The following KAT2B variants were observed in gnomAD, a reference collection of about 807,000 sequenced individuals.
KAT2B encodes lysine acetyltransferase 2B.
In KAT2B, 36 loss-of-function variants were observed where a neutral mutation model predicts 105.9. The ratio of observed to expected loss-of-function variants is 0.34; its 90% CI spans 0.26 to 0.45. The LOEUF is 0.45. Among genes scored for constraint, KAT2B ranks in the 20% least tolerant of loss-of-function variants. KAT2B has a pLI of 1.00. For synonymous variants in KAT2B, 397 were observed against 377.9 expected (o/e 1.05, Z -0.59); for missense variants, 820 against 1,021.6 (o/e 0.80, Z 2.69).
intron 5 of KAT2B, among the ~76,000 whole-genome samples, chr3:20,101,856 T>C (rs1698916562): frequency 6.6e-6 from 1 of 152,198 alleles, no homozygotes; most frequent in East Asian, 1.9e-4. Context: ...TTGAAGTTAA[T>C]TTTACCTGTT....
At chr3:20,092,347 G>A (rs1315740819) in intron 2 of KAT2B, among the ~76,000 whole-genome samples, 1 of 151,602 alleles carries the variant, frequency 6.6e-6, no homozygotes, top group African/African-American at 2.4e-5. Flanking sequence ...TCTCCCATCA[G>A]CCTCTCAAGT....
intron 3 of KAT2B, among the ~76,000 whole-genome samples, chr3:20,099,048 A>G (rs1698861318): frequency 9.4e-6 from 1 of 106,486 alleles, no homozygotes; most frequent in African/African-American, 3.0e-5. Flanking sequence ...TAAAAGTTAC[A>G]GAAGATTCAA....
intron 2 of KAT2B, among the ~76,000 whole-genome samples, chr3:20,088,479 A>C (rs1049199211): frequency 1.1e-4 from 17 of 152,058 alleles, no homozygotes; most frequent in African/African-American, 4.1e-4. Flanking sequence ...TTGTGATTTT[A>C]ATTTGCATTT....
intron 9 of KAT2B, among the ~76,000 whole-genome samples, chr3:20,123,461 G>A (rs1270496974): frequency 6.6e-6 from 1 of 152,072 alleles, no homozygotes; most frequent in African/African-American, 2.4e-5. Flanking sequence ...GAAACATATT[G>A]TTTGCAGCTG....
chr3:20,115,012 A>C (rs1311143692), intron 7 of KAT2B, 24 bp downstream of exon 7: 1 of 1,486,696 alleles, frequency 6.7e-7, no homozygotes, highest in Non-Finnish European at 9.4e-7. Context: ...TACATGAATC[A>C]GAGAACAACC....
In KAT2B at chr3:20,114,866, T is replaced by C. The variant is rs1699179143; in HGVS notation, c.1044-16T>C. On this transcript the variant is annotated splice_polypyrimidine_tract_variant and intron_variant, in intron 6 of 17. Coordinates refer to ENST00000263754, the MANE Select transcript of KAT2B (RefSeq NM_003884.5). ...TAGTTTTTTTTTAATCTTATTGCTA[T>C]TACTCTTGTGTCTAGATTTCTGTCC... 1.4e-6 allele frequency: 2 copies of C among 1,408,110 alleles called. No homozygotes were observed. Among genetic ancestry groups the C allele is most frequent in the South Asian group, 1.2e-5 (1 of 84,578 alleles). The allele number at this position is 1,408,110 out of a possible 1,614,324, so 87.2% of individuals were successfully genotyped here. A position where few individuals can be genotyped will look rare whatever the true frequency, so the allele number is the denominator to read the frequency against.
chr3:20,132,163 T>C (rs1200271018), intron 11 of KAT2B, among the ~76,000 whole-genome samples: 1 of 151,990 alleles, frequency 6.6e-6, no homozygotes, highest in Non-Finnish European at 1.5e-5. Context: ...TCACCTGAGG[T>C]TGGGAGTTTG....
intron 2 of KAT2B, among the ~76,000 whole-genome samples, chr3:20,088,100 A>G (rs1343636071): frequency 6.6e-6 from 1 of 152,206 alleles, no homozygotes; most frequent in Non-Finnish European, 1.5e-5. Flanking sequence ...TTTAAGGCTG[A>G]ATAGTATTTG....
intron 5 of KAT2B, among the ~76,000 whole-genome samples, chr3:20,106,985 A>ATATATATATATATATATG (rs1699021043): frequency 1.3e-4 from 1 of 7,702 alleles, no homozygotes; most frequent in Non-Finnish European, 2.4e-4. Context: ...ATATGTATAT[A>ATATATATATATATATATG]TATATATATA....
intron 2 of KAT2B, among the ~76,000 whole-genome samples, chr3:20,079,845 C>G (rs1233843468): frequency 2.0e-5 from 3 of 152,170 alleles, no homozygotes; most frequent in Non-Finnish European, 4.4e-5. Context: ...GCTAATGCAG[C>G]CTTTCAGATG....
intron 1 of KAT2B, among the ~76,000 whole-genome samples, chr3:20,050,756 T>G (rs1445230359): frequency 6.7e-6 from 1 of 149,082 alleles, no homozygotes; most frequent in Non-Finnish European, 1.5e-5. Flanking sequence ...CAGACTGGAG[T>G]GCAGTGGCAT....
chr3:20,144,007 CT>C (rs1386797003), intron 13 of KAT2B, among the ~76,000 whole-genome samples: 3 of 152,054 alleles, frequency 2.0e-5, no homozygotes, highest in Non-Finnish European at 4.4e-5. Flanking sequence ...ATAATACCCC[CT>C]GTATCTAAAA....
chr3:20,111,405 C>T (rs1699118598), intron 5 of KAT2B, among the ~76,000 whole-genome samples, 191 bp from the exon 6 acceptor site: 1 of 152,202 alleles, frequency 6.6e-6, no homozygotes, highest in Non-Finnish European at 1.5e-5. Flanking sequence ...CAGAATTAGA[C>T]ACAAGTGGTG....
chr3:20,140,098 A>G, intron 12 of KAT2B, 123 bp from the exon 13 acceptor site: 3 of 646,162 alleles, frequency 4.6e-6, no homozygotes. Flanking sequence ...CCTCTTCAGA[A>G]TAGTACAATG....
Position 20,122,735 on chromosome 3 carries a change from T to C in KAT2B, c.1344T>C (p.Asp448=). The change falls in exon 9 of 18, where the codon GAT becomes GAC. Residue 448 remains aspartate, a synonymous_variant. Coordinates refer to ENST00000263754, the MANE Select transcript of KAT2B (RefSeq NM_003884.5). ...EEAKKPRVMG[D]IPMELINEVM... ...CCAAGAAACCCCGAGTTATGGGGGA[T>C]ATTCCGATGGAATTAATCAACGAGG... is the stretch of plus-strand genomic sequence containing the variant. 6.2e-7 allele frequency: 1 copy of C among 1,614,090 alleles called. No homozygotes were observed. The highest frequency in any genetic ancestry group is 8.5e-7 in the Non-Finnish European group (1 of 1,179,938).
chr3:20,099,758 TAAGA>T, intron 3 of KAT2B, 100 bp from the exon 4 acceptor site: 29 of 611,558 alleles, frequency 4.7e-5, no homozygotes, highest in Middle Eastern at 4.6e-4. Context: ...TGTGTGTGTG[TAAGA>T]GAGAGAGAGA....
chr3:20,054,624 C>G (rs572494444), intron 1 of KAT2B, among the ~76,000 whole-genome samples: 1 of 152,014 alleles, frequency 6.6e-6, no homozygotes, highest in Non-Finnish European at 1.5e-5. Flanking sequence ...CAGCTTTTTG[C>G]GAGGTTTGTG....
chr3:20,100,594 A>G (rs1167883028), intron 4 of KAT2B, among the ~76,000 whole-genome samples: 1 of 152,218 alleles, frequency 6.6e-6, no homozygotes, highest in African/African-American at 2.4e-5. Context: ...TGAAGTCATG[A>G]TACCAGAATC....
chr3:20,087,072 G>A (rs4405940), intron 2 of KAT2B, among the ~76,000 whole-genome samples: 1,680 of 152,276 alleles, frequency 0.011, 32 homozygotes, highest in African/African-American at 0.038. Context: ...GAGCCACTGC[G>A]CCTGGCTGAG....
Sources: gnomAD v4.1 joint callset for allele counts (sites outside exome capture counted in the v4.1 genomes callset) on GRCh38, gnomAD v4.1.1 for gene constraint, MANE v1.5 for transcripts, NCBI Gene and HGNC (gene_info 2026-07-23, HGNC 2026-07-21) for gene names.